Variants in PRKG1 observed in about 807,000 individuals in gnomAD.
The protein encoded by PRKG1 is protein kinase cGMP-dependent 1.
In PRKG1, 35 loss-of-function variants were observed where a neutral mutation model predicts 88.1. The observed-to-expected ratio is 0.40, with a 90% CI of 0.30 to 0.53. The LOEUF is 0.53. Among genes scored for constraint, PRKG1 ranks in the 20% least tolerant of loss-of-function variants. PRKG1 has a pLI of 0.59. For missense variants in PRKG1, 540 were observed against 839.8 expected (o/e 0.64, Z 4.41); for synonymous variants, 303 against 292.5 (o/e 1.04, Z -0.37).
chr10:52,243,383 C>T (rs1187844138), intron 9 of PRKG1, among the ~76,000 whole-genome samples: 1 of 152,064 alleles, frequency 6.6e-6, no homozygotes, highest in Admixed American at 6.6e-5. Flanking sequence ...TCTTCTATGC[C>T]TAGGTCTTTA....
intron 2 of PRKG1, among the ~76,000 whole-genome samples, chr10:51,190,782 A>G (rs916782927): frequency 1.2e-4 from 18 of 151,930 alleles, no homozygotes; most frequent in African/African-American, 3.6e-4. Flanking sequence ...AGTGCAGAGC[A>G]TGTTATTTAA....
At chr10:51,168,176 G>A (rs1846599688) in intron 2 of PRKG1, among the ~76,000 whole-genome samples, 1 of 152,128 alleles carries the variant, frequency 6.6e-6, no homozygotes, top group Non-Finnish European at 1.5e-5. Context: ...CTTGAGGTCA[G>A]AAGTATTTTC....
At chr10:51,055,922 T>G (rs933602069) in intron 1 of PRKG1, among the ~76,000 whole-genome samples, 1 of 152,126 alleles carries the variant, frequency 6.6e-6, no homozygotes, top group Non-Finnish European at 1.5e-5. Context: ...TTCCTCTTGA[T>G]TCTACATTAC....
At chr10:51,099,409 A>ACACT (rs1554835967) in intron 1 of PRKG1, among the ~76,000 whole-genome samples, 2 of 151,336 alleles carry the variant, frequency 1.3e-5, no homozygotes, top group African/African-American at 4.8e-5. Flanking sequence ...ACACACACAC[A>ACACT]CACTCACTCA....
At chr10:51,740,893 C>T (rs943917485) in intron 3 of PRKG1, among the ~76,000 whole-genome samples, 2 of 151,634 alleles carry the variant, frequency 1.3e-5, no homozygotes, top group African/African-American at 4.8e-5. Context: ...TATTTGCCAA[C>T]CTGCATTGAT....
chr10:51,200,173 C>A (rs1306126199), intron 2 of PRKG1, among the ~76,000 whole-genome samples: 1 of 152,072 alleles, frequency 6.6e-6, no homozygotes, highest in African/African-American at 2.4e-5. Flanking sequence ...AACACACTTG[C>A]CAGAATCACA....
At chr10:51,996,298 G>A (rs1470067629) in intron 5 of PRKG1, among the ~76,000 whole-genome samples, 1 of 108,052 alleles carries the variant, frequency 9.3e-6, no homozygotes, top group Non-Finnish European at 1.7e-5. Flanking sequence ...CTAGGTGACA[G>A]AGTGAGACTC....
chr10:51,382,369 A>G (rs1028741640), intron 2 of PRKG1, among the ~76,000 whole-genome samples: 14 of 152,316 alleles, frequency 9.2e-5, no homozygotes, highest in African/African-American at 3.4e-4. Flanking sequence ...CAGAGATCCA[A>G]TGATTGAGTC....
At chr10:51,205,226 G>A (rs1270709523) in intron 2 of PRKG1, among the ~76,000 whole-genome samples, 1 of 135,000 alleles carries the variant, frequency 7.4e-6, no homozygotes, top group Non-Finnish European at 1.5e-5. Context: ...TACCACCTCT[G>A]CCTCCCAGGT....
intron 5 of PRKG1, among the ~76,000 whole-genome samples, chr10:51,982,272 A>G (rs773171951): frequency 1.2e-3 from 177 of 152,170 alleles, no homozygotes; most frequent in Non-Finnish European, 2.1e-3. Flanking sequence ...CTGCATCTCA[A>G]TGATGTTCAT....
chr10:51,364,043 T>C (rs1294748312), intron 2 of PRKG1, among the ~76,000 whole-genome samples: 1 of 151,990 alleles, frequency 6.6e-6, no homozygotes, highest in Non-Finnish European at 1.5e-5. Context: ...TCTCTTTTCC[T>C]GGGCTGAACT....
At chr10:51,024,968 C>T (rs1195375845) in intron 1 of PRKG1, among the ~76,000 whole-genome samples, 2 of 152,140 alleles carry the variant, frequency 1.3e-5, no homozygotes, top group Non-Finnish European at 2.9e-5. Flanking sequence ...ACCATAAATC[C>T]TGAGCTCCTG....
intron 9 of PRKG1, among the ~76,000 whole-genome samples, chr10:52,193,652 C>T (rs1235193799): frequency 6.6e-6 from 1 of 151,660 alleles, no homozygotes; most frequent in African/African-American, 2.4e-5. Flanking sequence ...AAAGGACAGC[C>T]TACATTTCAA....
chr10:51,126,089 T>C (rs1411241207), intron 1 of PRKG1, among the ~76,000 whole-genome samples: 1 of 117,896 alleles, frequency 8.5e-6, no homozygotes, highest in African/African-American at 3.4e-5. Flanking sequence ...TATATAATTA[T>C]ATAATAATAT....
chr10:51,027,770 C>A lies in PRKG1; in HGVS notation c.266+36126C>A, dbSNP rs182126175. Among the ~76,000 whole-genome samples the A allele has an allele frequency of 1.1e-3, 163 of 152,284 alleles. 2 individuals are homozygous for A. The highest frequency in any genetic ancestry group is 3.8e-3 in the African/African-American group (159 of 41,570). ...TGTTAACAAGATCAAAATGGTGCTA[C>A]ACCAAGTGGAAAGTGATTATTTATT... On this transcript the variant is annotated intron_variant, in intron 1 of 17. Transcript: ENST00000401604.
intron 4 of PRKG1, among the ~76,000 whole-genome samples, chr10:51,831,582 C>A (rs1840007204): frequency 6.6e-6 from 1 of 152,112 alleles, no homozygotes; most frequent in Non-Finnish European, 1.5e-5. Flanking sequence ...TAAATTTTTC[C>A]AAGACCCAAG....
At chr10:51,570,982 T>C (rs1018785884) in intron 3 of PRKG1, among the ~76,000 whole-genome samples, 1 of 151,968 alleles carries the variant, frequency 6.6e-6, no homozygotes, top group Non-Finnish European at 1.5e-5. Context: ...AATATATTTA[T>C]AATTTAGGTT....
chr10:51,624,328 G>A (rs546436490), intron 3 of PRKG1, among the ~76,000 whole-genome samples: 2 of 152,276 alleles, frequency 1.3e-5, no homozygotes, highest in South Asian at 2.1e-4. Context: ...CTGTTTTCTT[G>A]AGGAGTAAGG....
chr10:52,270,033 C>A (rs1380329822), intron 10 of PRKG1, among the ~76,000 whole-genome samples: 4 of 151,826 alleles, frequency 2.6e-5, no homozygotes, highest in African/African-American at 9.7e-5. Context: ...AGAAGAAAAA[C>A]AAACGGTTTT....
Sources: allele counts gnomAD v4.1 joint callset (sites outside exome capture counted in the v4.1 genomes callset), GRCh38; gene constraint gnomAD v4.1.1; transcripts MANE v1.5; gene names NCBI Gene and HGNC (gene_info 2026-07-23, HGNC 2026-07-21).